Variants in CAP2 observed in about 807,000 individuals in gnomAD.
The protein encoded by CAP2 is cyclase associated actin cytoskeleton regulatory protein 2.
Under a neutral mutation model 57.7 loss-of-function variants are expected in CAP2, and 24 were observed. That is an observed-to-expected ratio of 0.42 (90% CI 0.30 to 0.58). The LOEUF is 0.58. CAP2 is among the 20% of genes least tolerant of loss of function. The pLI is 0.22. For synonymous variants in CAP2, 194 were observed against 207.2 expected (o/e 0.94, Z 0.55); for missense variants, 501 against 590.3 (o/e 0.85, Z 1.57).
At chr6:17,521,688 G>A (rs954841475) in intron 7 of CAP2, among the ~76,000 whole-genome samples, 2 of 152,174 alleles carry the variant, frequency 1.3e-5, no homozygotes, top group African/African-American at 4.8e-5. Context: ...AACAGGGGGA[G>A]CAGTGTGCTA....
At chr6:17,440,240 G>C (rs148648194) in intron 3 of CAP2, among the ~76,000 whole-genome samples, 1 of 151,606 alleles carries the variant, frequency 6.6e-6, no homozygotes, top group African/African-American at 2.4e-5. Context: ...CATGATTCTT[G>C]AGTTTATTTT....
At chr6:17,521,335 A>G (rs1762387689) in intron 7 of CAP2, among the ~76,000 whole-genome samples, 1 of 151,806 alleles carries the variant, frequency 6.6e-6, no homozygotes, top group Non-Finnish European at 1.5e-5. Flanking sequence ...GGAGAATGGC[A>G]TGAACCTGGG....
In CAP2 at chr6:17,444,377, G is replaced by A. The variant is rs149123045; in HGVS notation, c.222+17687G>A. 9.5e-3 allele frequency among the ~76,000 whole-genome samples: 1,441 copies of A among 152,190 alleles called. 23 individuals carry two copies. The highest frequency in any genetic ancestry group is 0.033 in the African/African-American group (1,357 of 41,514). ...TCATCAGCTAGGCGTGGTGGCTCAC[G>A]CCTGTAATCCCAGCATTTTGGGAGG... is the stretch of plus-strand genomic sequence containing the variant. On this transcript the variant is annotated intron_variant, in intron 3 of 12. Coordinates refer to ENST00000229922, the MANE Select transcript of CAP2 (RefSeq NM_006366.3).
chr6:17,461,036 C>T (rs1307710759), intron 3 of CAP2, among the ~76,000 whole-genome samples: 1 of 152,140 alleles, frequency 6.6e-6, no homozygotes, highest in Non-Finnish European at 1.5e-5. Flanking sequence ...GTGGCCCCAA[C>T]TACTCAGGAG....
chr6:17,467,833 T>TAA (rs1760909310), intron 4 of CAP2, among the ~76,000 whole-genome samples: 1 of 152,188 alleles, frequency 6.6e-6, no homozygotes, highest in Non-Finnish European at 1.5e-5. Flanking sequence ...TACTCTTCGT[T>TAA]ATTTTAAAAT....
chr6:17,469,375 A>T (rs374063509), intron 4 of CAP2, among the ~76,000 whole-genome samples: 2 of 152,042 alleles, frequency 1.3e-5, no homozygotes, highest in African/African-American at 4.8e-5. Context: ...CTAAGACCTG[A>T]CAGTGAAATG....
At chr6:17,499,989 A>G (rs1320080425) in intron 4 of CAP2, among the ~76,000 whole-genome samples, 1 of 152,032 alleles carries the variant, frequency 6.6e-6, no homozygotes, top group African/African-American at 2.4e-5. Flanking sequence ...ATATTTCCCA[A>G]GGAATCTGTT....
chr6:17,479,732 C>T (rs1761240508), intron 4 of CAP2, among the ~76,000 whole-genome samples: 1 of 151,134 alleles, frequency 6.6e-6, no homozygotes, highest in African/African-American at 2.4e-5. Context: ...CTGCCTCAGC[C>T]TCCCGAGTAG....
intron 1 of CAP2, among the ~76,000 whole-genome samples, chr6:17,404,559 G>A (rs7773865): frequency 0.11 from 16,910 of 150,848 alleles, 3,136 homozygotes; most frequent in African/African-American, 0.39. Flanking sequence ...GAGCCCAGAT[G>A]GCGCCACTGC....
In CAP2 at chr6:17,556,734, A is replaced by G. The variant is rs1419302625; in HGVS notation, c.*292A>G. 3.2e-5 allele frequency: 11 copies of G among 343,712 alleles called. No homozygotes were observed. Among genetic ancestry groups the G allele is most frequent in the Middle Eastern group, 7.9e-4 (1 of 1,270 alleles). 21.3% of individuals were successfully genotyped at this position (343,712 alleles called of 1,614,324 possible). A position where few individuals can be genotyped will look rare whatever the true frequency, so the allele number is the denominator to read the frequency against. On this transcript the variant is annotated 3_prime_UTR_variant, in exon 13 of 13. Transcript: ENST00000229922. ...ATTCTGTTCCCCTCATATCATGAAC[A>G]CAGTAACTGATAGGTAAAAAGACTG...
chr6:17,444,844 A>ACACACACAC (rs1491333807), intron 3 of CAP2, among the ~76,000 whole-genome samples: 3 of 134,906 alleles, frequency 2.2e-5, no homozygotes, highest in Admixed American at 7.5e-5. Context: ...ACACACACAC[A>ACACACACAC]ACACGAGTCC....
chr6:17,536,915 T>C (rs1055297567), intron 7 of CAP2, among the ~76,000 whole-genome samples: 10 of 152,188 alleles, frequency 6.6e-5, no homozygotes, highest in African/African-American at 2.4e-4. Flanking sequence ...CCCAGTAACA[T>C]AGAAAACATT....
intron 7 of CAP2, among the ~76,000 whole-genome samples, chr6:17,535,951 T>C (rs1033809971): frequency 2.0e-5 from 3 of 152,196 alleles, no homozygotes; most frequent in Non-Finnish European, 4.4e-5. Context: ...CCCAAAGTGC[T>C]GGGATTACAG....
chr6:17,551,594 A>G lies in CAP2; in HGVS notation c.1340A>G (p.Asp447Gly). ...SSEMNILIPQ[D>G]GDYREFPIPE... ...GAAATGAACATACTTATCCCTCAGG[A>G]TGGTGATTATGTAAGTACCTTTCAA... The change falls in exon 12 of 13, where the codon GAT (aspartate) becomes GGT (glycine). Residue 447 changes from aspartate to glycine, a missense_variant. Coordinates refer to ENST00000229922, the MANE Select transcript of CAP2 (RefSeq NM_006366.3). 1.2e-6 allele frequency: 2 copies of G among 1,605,762 alleles called. No individual in the cohort carries two copies. The highest frequency in any genetic ancestry group is 1.7e-6 in the Non-Finnish European group (2 of 1,176,054).
intron 6 of CAP2, among the ~76,000 whole-genome samples, chr6:17,509,575 TGAG>T (rs1398075975): frequency 6.6e-6 from 1 of 151,970 alleles, no homozygotes; most frequent in Admixed American, 6.6e-5. Flanking sequence ...CTCAGGAGGC[TGAG>T]GCAGGAGAAT....
intron 2 of CAP2, among the ~76,000 whole-genome samples, chr6:17,424,672 A>G (rs1759537392): frequency 1.3e-5 from 2 of 152,244 alleles, no homozygotes; most frequent in African/African-American, 4.8e-5. Context: ...TCAATGCATT[A>G]CTATTCATGG....
chr6:17,459,326 T>TA (rs1760664128), intron 3 of CAP2, among the ~76,000 whole-genome samples: 1 of 152,160 alleles, frequency 6.6e-6, no homozygotes, highest in African/African-American at 2.4e-5. Flanking sequence ...TAGCAGGCCT[T>TA]AAAGAATAGA....
At chr6:17,550,668 G>A (rs1023005606) in intron 11 of CAP2, among the ~76,000 whole-genome samples, 8 of 152,102 alleles carry the variant, frequency 5.3e-5, no homozygotes, top group African/African-American at 1.4e-4. Flanking sequence ...TGGGGGAACA[G>A]TCCGCCCTTA....
At chr6:17,545,315 T>C (rs1171824183) in intron 11 of CAP2, among the ~76,000 whole-genome samples, 1 of 152,200 alleles carries the variant, frequency 6.6e-6, no homozygotes, top group African/African-American at 2.4e-5. Flanking sequence ...GGTGAAACCA[T>C]ATATAAGCAG....
Sources: allele counts gnomAD v4.1 joint callset (sites outside exome capture counted in the v4.1 genomes callset), GRCh38; gene constraint gnomAD v4.1.1; transcripts MANE v1.5; gene names NCBI Gene and HGNC (gene_info 2026-07-23, HGNC 2026-07-21).